Variants in EPB41L5 observed in about 807,000 individuals in gnomAD.
EPB41L5 encodes the protein band 4.1-like protein 5.
Under a neutral mutation model 106.6 loss-of-function variants are expected in EPB41L5, and 55 were observed. The observed-to-expected ratio is 0.52, with a 90% CI of 0.42 to 0.65. The LOEUF is 0.65. Among genes scored for constraint, EPB41L5 ranks in the 30% least tolerant of loss-of-function variants. The pLI is 0.00. For missense variants in EPB41L5, 871 were observed against 882.1 expected (o/e 0.99, Z 0.16); for synonymous variants, 297 against 306.7 (o/e 0.97, Z 0.33).
At chr2:120,082,487 G>T (rs1682742777) in intron 10 of EPB41L5, among the ~76,000 whole-genome samples, 1 of 152,152 alleles carries the variant, frequency 6.6e-6, no homozygotes, top group Non-Finnish European at 1.5e-5. Flanking sequence ...GCTTTTTGAT[G>T]TGCTCCTGGA....
At chr2:120,049,092 A>T (rs1680032966) in intron 3 of EPB41L5, among the ~76,000 whole-genome samples, 1 of 152,156 alleles carries the variant, frequency 6.6e-6, no homozygotes, top group Admixed American at 6.5e-5. Flanking sequence ...CTATGTGGTC[A>T]GTTTTGGAGT....
intron 2 of EPB41L5, among the ~76,000 whole-genome samples, chr2:120,036,851 T>C (rs549166765): frequency 1.3e-5 from 2 of 152,222 alleles, no homozygotes; most frequent in African/African-American, 4.8e-5. Flanking sequence ...GGATATAATA[T>C]GAAGCATAAA....
chr2:120,171,544 T>C (rs916746069), intron 24 of EPB41L5, among the ~76,000 whole-genome samples: 4 of 152,238 alleles, frequency 2.6e-5, no homozygotes, highest in African/African-American at 2.4e-5. Flanking sequence ...GTCCACACAC[T>C]GAAGGGTGAA....
At chr2:120,093,737 C>G (rs1220550604) in intron 14 of EPB41L5, among the ~76,000 whole-genome samples, 1 of 152,006 alleles carries the variant, frequency 6.6e-6, no homozygotes, top group African/African-American at 2.4e-5. Flanking sequence ...GAAATATTGG[C>G]CTGTAGTTTT....
At position 120,055,038 on chromosome 2, in the gene EPB41L5, G is replaced by A. The variant is rs549320611; in HGVS notation, c.285+12928G>A. ...TGCACCACCATGCCCAGCTAATTTTGCACCTTTAGCAGAGATGGGGTTTGT... is the reference window on the plus strand; with the variant it reads ...TGCACCACCATGCCCAGCTAATTTTACACCTTTAGCAGAGATGGGGTTTGT... On this transcript the variant is annotated intron_variant, in intron 3 of 24. Coordinates refer to ENST00000263713, the MANE Select transcript of EPB41L5 (RefSeq NM_020909.4). 4.5e-3 allele frequency among the ~76,000 whole-genome samples: 686 copies of A among 151,750 alleles called. 8 individuals carry two copies. The highest frequency in any genetic ancestry group is 5.8e-3 in the Non-Finnish European group (393 of 67,896).
rs374827180 is a variant in EPB41L5, at chr2:120,077,241, A to T, written c.639A>T (p.Pro213=). The stretch of plus-strand genomic sequence containing the variant: ...TTTTAAATTTCAGAGGTCAAACACC[A>T]GCACAGGCTGAAACCAATTATCTGA... ...EKWKEYRGQT[P]AQAETNYLNK... is the part of the protein sequence containing the mutation. Residue 213 remains proline (P), a synonymous_variant, in exon 9 of 25, where the codon CCA becomes CCT. Transcript: ENST00000263713. 4 of 1,610,108 alleles carry T rather than the reference A, an allele frequency of 2.5e-6. No homozygotes were observed. The African/African-American group carries it at 5.3e-5, about 21-fold the overall frequency.
intron 22 of EPB41L5, 125 bp from the exon 23 acceptor site, chr2:120,167,341 C>A: frequency 1.3e-6 from 1 of 746,326 alleles, no homozygotes; most frequent in Non-Finnish European, 2.2e-6. Flanking sequence ...GCTCAAGGAA[C>A]ACCATTAAGA....
intron 16 of EPB41L5, among the ~76,000 whole-genome samples, chr2:120,118,946 C>A (rs1045092019): frequency 3.9e-5 from 6 of 152,222 alleles, no homozygotes; most frequent in Non-Finnish European, 7.3e-5. Context: ...AATTTACATT[C>A]CCACCAACAG....
chr2:120,060,489 G>A (rs1321466711), intron 3 of EPB41L5, among the ~76,000 whole-genome samples: 1 of 152,158 alleles, frequency 6.6e-6, no homozygotes, highest in Non-Finnish European at 1.5e-5. Flanking sequence ...GCATTATGCT[G>A]AATAGGAAAT....
intron 21 of EPB41L5, among the ~76,000 whole-genome samples, chr2:120,162,797 A>G (rs1198816244): frequency 6.6e-6 from 1 of 152,248 alleles, no homozygotes; most frequent in Non-Finnish European, 1.5e-5. Flanking sequence ...ACATTGTGGT[A>G]GACTTGCACA....
chr2:120,043,504 G>A (rs573533673), intron 3 of EPB41L5, among the ~76,000 whole-genome samples: 8 of 151,770 alleles, frequency 5.3e-5, no homozygotes, highest in African/African-American at 1.2e-4. Context: ...CCAAGATTGC[G>A]CCACTACACT....
chr2:120,144,975 A>G (rs114424210), intron 19 of EPB41L5, among the ~76,000 whole-genome samples: 5,272 of 152,308 alleles, frequency 0.035, 305 homozygotes, highest in African/African-American at 0.12. Context: ...GCAAACTAGC[A>G]AAAGAATGAA....
At chr2:120,080,420 C>T (rs1453604848) in intron 10 of EPB41L5, among the ~76,000 whole-genome samples, 5 of 152,162 alleles carry the variant, frequency 3.3e-5, no homozygotes, top group African/African-American at 1.2e-4. Flanking sequence ...ATCCATGTCC[C>T]TACAAAGGAT....
intron 18 of EPB41L5, among the ~76,000 whole-genome samples, chr2:120,140,314 C>T (rs963807554): frequency 6.6e-6 from 1 of 151,836 alleles, no homozygotes; most frequent in Non-Finnish European, 1.5e-5. Context: ...AATGTTTGTA[C>T]ACAAGAAATG....
chr2:120,091,596 G>A lies in EPB41L5; in HGVS notation c.1085G>A (p.Arg362Lys). The A allele has an allele frequency of 6.2e-7, 1 of 1,613,816 alleles. No individual in the cohort carries two copies. The highest frequency in any genetic ancestry group is 8.5e-7 in the Non-Finnish European group (1 of 1,179,826). The change falls in exon 13 of 25, where the codon AGA becomes AAA. Residue 362 changes from arginine (R) to lysine (K), a missense_variant. Transcript: ENST00000263713. The part of the protein sequence containing the change: ...EYQTTKTNKA[R>K]RSTSFERRPS... ...CAGACCACAAAAACCAATAAAGCAA[G>A]AAGATCAACATCCTTTGAAAGAAGG...
At chr2:120,054,010 C>A (rs1025857322) in intron 3 of EPB41L5, among the ~76,000 whole-genome samples, 1 of 152,154 alleles carries the variant, frequency 6.6e-6, no homozygotes, top group African/African-American at 2.4e-5. Context: ...TGGCACCATT[C>A]CACACTCCCT....
At chr2:120,104,072 C>T in intron 16 of EPB41L5, 3 of 1,533,950 alleles carry the variant, frequency 2.0e-6, no homozygotes, top group Middle Eastern at 3.3e-4. Context: ...TCTCTGCTGC[C>T]AGCGACTGCT....
rs1682185802 is a variant in EPB41L5, at chr2:120,075,731, AT to A, written c.485del (p.Leu162TrpfsTer60). ...ACTGTCCCTTTGATACAGCAGTGCA[AT>A]TGGCAGCTTATAATCTGCAAGGTAA... Reference protein sequence around the residue: ...LDCPFDTAVQLAAYNLQAELG... With the variant: ...LDCPFDTAVQXAAYNLQAELG... On this transcript the variant is annotated frameshift_variant, in exon 7 of 25. Transcript: ENST00000263713. LOFTEE classifies it high-confidence loss of function. 6.2e-7 allele frequency: 1 copy of A among 1,613,614 alleles called. No homozygotes were observed. Among genetic ancestry groups the A allele is most frequent in the Non-Finnish European group, 8.5e-7 (1 of 1,179,760 alleles).
At chr2:120,061,389 A>G (rs1457124986) in intron 3 of EPB41L5, among the ~76,000 whole-genome samples, 5 of 150,202 alleles carry the variant, frequency 3.3e-5, no homozygotes, top group Non-Finnish European at 5.9e-5. Flanking sequence ...CGCCCGGCTA[A>G]TTTTTTTGTA....
Sources: gnomAD v4.1 joint callset for allele counts (sites outside exome capture counted in the v4.1 genomes callset) on GRCh38, gnomAD v4.1.1 for gene constraint, MANE v1.5 for transcripts, NCBI Gene and HGNC (gene_info 2026-07-23, HGNC 2026-07-21) for gene names.